Variants in C8A observed in about 807,000 individuals in gnomAD.
C8A encodes complement C8 alpha chain, also known as complement component C8 alpha chain.
C8A carries 67 observed loss-of-function variants against 65.3 expected under a neutral mutation model. The observed-to-expected ratio is 1.03, with a 90% confidence interval of 0.84 to 1.26. C8A has a LOEUF of 1.26. Ranked by LOEUF, C8A falls within the 50% of genes most tolerant of loss-of-function variation. The pLI, the probability that C8A is intolerant of heterozygous loss-of-function variation, is 0.00. For missense variants in C8A, 781 were observed against 723.9 expected, an observed-to-expected ratio of 1.08 and a Z score of -0.90; for synonymous variants, 290 against 259.4, an observed-to-expected ratio of 1.12 and a Z score of -1.13.
chr1:56,897,899 G>A (rs1305904072), intron 7 of C8A, among the ~76,000 whole-genome samples: 2 of 152,140 alleles, frequency 1.3e-5, no homozygotes, highest in African/African-American at 2.4e-5. Context: ...CTGGAGAAAT[G>A]TGCAGTCAGT....
At chr1:56,891,362 A>G (rs565627109) in intron 7 of C8A, among the ~76,000 whole-genome samples, 1 of 152,146 alleles carries the variant, frequency 6.6e-6, no homozygotes, top group Non-Finnish European at 1.5e-5. Context: ...AGAAGCCAAG[A>G]GGTGTCAGAG....
At chr1:56,915,858 G>T (rs1644546651) in intron 10 of C8A, among the ~76,000 whole-genome samples, 1 of 152,202 alleles carries the variant, frequency 6.6e-6, no homozygotes, top group Non-Finnish European at 1.5e-5. Flanking sequence ...AGAGCAGAGG[G>T]TCTGAGACAA....
intron 1 of C8A, among the ~76,000 whole-genome samples, chr1:56,856,886 C>T (rs1436190728): frequency 2.0e-5 from 3 of 151,898 alleles, no homozygotes; most frequent in Non-Finnish European, 2.9e-5. Context: ...CATTTTAAAA[C>T]AATGGTGATG....
At chr1:56,886,223 G>C (rs551289165) in intron 7 of C8A, 56 bp downstream of exon 7, 9 of 1,608,174 alleles carry the variant, frequency 5.6e-6, no homozygotes, top group Non-Finnish European at 7.6e-6. Context: ...CCAGGTCATG[G>C]TTTGAAGTTT....
At chr1:56,858,428 A>G (rs1643997970) in intron 1 of C8A, among the ~76,000 whole-genome samples, 1 of 152,188 alleles carries the variant, frequency 6.6e-6, no homozygotes, top group Non-Finnish European at 1.5e-5. Context: ...ATTTCCATTG[A>G]TGAAAAGCAG....
intron 7 of C8A, among the ~76,000 whole-genome samples, chr1:56,888,414 A>C (rs1222380654): frequency 6.6e-6 from 1 of 152,172 alleles, no homozygotes; most frequent in Non-Finnish European, 1.5e-5. Flanking sequence ...ACAAATCTAA[A>C]TATGGTTCCT....
At position 56,854,868 on chromosome 1, in the gene C8A, T is replaced by C. The variant is rs1240467523; in HGVS notation, c.-34T>C. The C allele has an allele frequency of 1.9e-6, 3 of 1,590,722 alleles. No homozygotes were observed. The highest frequency in any genetic ancestry group is 2.7e-5 in the African/African-American group (2 of 74,502). ...TTCCTGAATAGATAGCTTTATTCCT[T>C]CAAGGTAATATAGTGCGGTGGCTTC... is the stretch of plus-strand genomic sequence containing the variant. On this transcript the variant is annotated 5_prime_UTR_variant, in exon 1 of 11. Coordinates refer to ENST00000361249, the MANE Select transcript of C8A (RefSeq NM_000562.3).
intron 5 of C8A, among the ~76,000 whole-genome samples, chr1:56,881,837 G>C (rs1644251048): frequency 6.6e-6 from 1 of 152,196 alleles, no homozygotes; most frequent in Non-Finnish European, 1.5e-5. Flanking sequence ...CTACCCACCT[G>C]TTAAATCTTG....
chr1:56,870,893 C>T (rs1167008539), intron 2 of C8A, among the ~76,000 whole-genome samples: 5 of 152,054 alleles, frequency 3.3e-5, no homozygotes, highest in Non-Finnish European at 2.9e-5. Context: ...CAAAGATGTA[C>T]ATTTATGGAA....
chr1:56,874,926 G>A (rs950907843), intron 2 of C8A, 23 bp from the exon 3 acceptor site: 3 of 1,612,848 alleles, frequency 1.9e-6, no homozygotes, highest in African/African-American at 1.3e-5. Flanking sequence ...ACAAGAATGT[G>A]TCTTGTTCAA....
intron 4 of C8A, among the ~76,000 whole-genome samples, chr1:56,878,300 T>C (rs1644217099): frequency 6.6e-6 from 1 of 152,130 alleles, no homozygotes; most frequent in Non-Finnish European, 1.5e-5. Flanking sequence ...TTTCAACACA[T>C]GAATGTTGGG....
rs765235186 is a variant in C8A, at chr1:56,883,590, G to A, written c.764G>A (p.Gly255Asp). ...SDSFGVTIGI[G>D]PAGSPLLVGV... The stretch of plus-strand genomic sequence containing the variant: ...TCATTTGGAGTGACCATCGGCATAG[G>A]CCCAGCCGGCAGCCCTTTATTGGTG... The change falls in exon 6 of 11, where the codon GGC (glycine) becomes GAC (aspartate). Residue 255 changes from glycine (G) to aspartate (D), a missense_variant. By Grantham distance (94) the Gly-to-Asp change is moderately conservative (BLOSUM62 -1). Coordinates refer to ENST00000361249, the MANE Select transcript of C8A (RefSeq NM_000562.3). 1.1e-5 allele frequency: 18 copies of A among 1,613,898 alleles called. No individual in the cohort carries two copies. Among genetic ancestry groups the A allele is most frequent in the Non-Finnish European group, 1.5e-5 (18 of 1,179,940 alleles).
chr1:56,890,259 C>T (rs183296257), intron 7 of C8A, among the ~76,000 whole-genome samples: 358 of 152,220 alleles, frequency 2.4e-3, no homozygotes, highest in Admixed American at 4.8e-3. Flanking sequence ...CCTTCTGAAC[C>T]TTGTAGGGGC....
At chr1:56,890,162 A>T (rs1471403001) in intron 7 of C8A, among the ~76,000 whole-genome samples, 1 of 152,070 alleles carries the variant, frequency 6.6e-6, no homozygotes, top group African/African-American at 2.4e-5. Flanking sequence ...GTTCAGCTGG[A>T]TATTCCTGGC....
chr1:56,885,815 G>T lies in C8A; in HGVS notation c.856-112G>T, dbSNP rs856847. On this transcript the variant is annotated intron_variant, in intron 6 of 10. Coordinates refer to ENST00000361249, the MANE Select transcript of C8A (RefSeq NM_000562.3). ...TCCTCCAGCTTCTGCCTCCCAAAAT[G>T]CTGGGATTACAGGCATGAGCCACTG... The T allele has an allele frequency of 4.2e-6, 6 of 1,444,694 alleles. No individual in the cohort carries two copies. In the African/African-American group the frequency reaches 5.6e-5, roughly 14 times the overall value. 89.5% of individuals were successfully genotyped at this position (1,444,694 alleles called of 1,614,324 possible). A position where few individuals can be genotyped will look rare whatever the true frequency, so the allele number is the denominator to read the frequency against.
chr1:56,901,045 A>T lies in C8A; in HGVS notation c.1097-5622A>T, dbSNP rs555099372. Among the ~76,000 whole-genome samples the T allele has an allele frequency of 1.2e-4, 18 of 152,286 alleles. No individual in the cohort carries two copies. In the East Asian group the frequency reaches 3.5e-3, roughly 30 times the overall value. The stretch of plus-strand genomic sequence containing the variant: ...CACCTGCAAAGGCACTGAGGTACTC[A>T]TTTTATTCTCAGGTGTTTTGGAAGA... On this transcript the variant is annotated intron_variant, in intron 7 of 10. Coordinates refer to ENST00000361249, the MANE Select transcript of C8A (RefSeq NM_000562.3).
At chr1:56,867,474 A>G in intron 1 of C8A, 135 bp from the exon 2 acceptor site, 1 of 712,670 alleles carries the variant, frequency 1.4e-6, no homozygotes, top group South Asian at 1.5e-5. Context: ...ATTTCTACAT[A>G]AAGTAGGAGT....
At chr1:56,885,411 TTTAA>T (rs1644288422) in intron 6 of C8A, among the ~76,000 whole-genome samples, 1 of 92,950 alleles carries the variant, frequency 1.1e-5, no homozygotes, top group African/African-American at 3.7e-5. Context: ...TATATATTTA[TTTAA>T]ATATATATTT....
chr1:56,871,991 G>T (rs1005628283), intron 2 of C8A, among the ~76,000 whole-genome samples: 1 of 152,118 alleles, frequency 6.6e-6, no homozygotes, highest in African/African-American at 2.4e-5. Flanking sequence ...CCAGATCCCT[G>T]TTGCTTATTT....
Sources: allele counts gnomAD v4.1 joint callset (sites outside exome capture counted in the v4.1 genomes callset), GRCh38; gene constraint gnomAD v4.1.1; transcripts MANE v1.5; gene names NCBI Gene and HGNC (gene_info 2026-07-23, HGNC 2026-07-21).